SLC6A15: variants seen among roughly 807,000 people sequenced by gnomAD.
SLC6A15 encodes the protein solute carrier family 6 member 15, also known as sodium-dependent neutral amino acid transporter B(0)AT2.
A neutral mutation model predicts 68.5 loss-of-function variants in SLC6A15; 33 were observed. That is an observed-to-expected ratio of 0.48 (90% CI 0.37 to 0.64). SLC6A15 has a LOEUF of 0.64. SLC6A15 is among the 30% of genes least tolerant of loss of function. The pLI, the probability that SLC6A15 is intolerant of heterozygous loss-of-function variation, is 0.00. For missense variants in SLC6A15, 747 were observed against 874.3 expected, an observed-to-expected ratio of 0.85 and a Z score of 1.84; for synonymous variants, 347 against 301.0, an observed-to-expected ratio of 1.15 and a Z score of -1.58.
intron 7 of SLC6A15, 21 bp downstream of exon 7, chr12:84,873,066 A>G: frequency 6.2e-7 from 1 of 1,602,872 alleles, no homozygotes; most frequent in Non-Finnish European, 8.5e-7. Flanking sequence ...AAAAAAGGCA[A>G]ATGGAAATTA....
Position 84,860,991 on chromosome 12 carries a change from A to C in SLC6A15, c.*641T>G, listed in dbSNP as rs1192119251. The C allele has an allele frequency of 6.6e-6, 1 of 152,180 alleles. No homozygotes were observed. 9.4% of individuals were successfully genotyped at this position (152,180 alleles called of 1,614,324 possible). On this transcript the variant is annotated 3_prime_UTR_variant, in exon 12 of 12. Transcript: ENST00000266682. ...CACATATATTTTACACAAAATATAC[A>C]GCCATCACTCACATGATTCTCAGTC...
At chr12:84,865,408 C>T (rs1436074323) in intron 10 of SLC6A15, among the ~76,000 whole-genome samples, 1 of 152,174 alleles carries the variant, frequency 6.6e-6, no homozygotes, top group Non-Finnish European at 1.5e-5. Flanking sequence ...TATCAGCAAC[C>T]CCCACGAGAG....
At chr12:84,877,180 A>G (rs1871586157) in intron 5 of SLC6A15, among the ~76,000 whole-genome samples, 1 of 152,186 alleles carries the variant, frequency 6.6e-6, no homozygotes, top group African/African-American at 2.4e-5. Context: ...TCAGACATTC[A>G]CTGCCTCCTT....
chr12:84,898,014 C>T lies in SLC6A15; in HGVS notation c.-188-5706G>A, dbSNP rs189060011. 1.1e-3 allele frequency among the ~76,000 whole-genome samples: 175 copies of T among 152,242 alleles called. 1 individual carries two copies. The highest frequency in any genetic ancestry group is 3.8e-3 in the African/African-American group (158 of 41,548). ...AAAGAAATAAAAGTGTGAAAATATG[C>T]TCATCTTTCATGTAGGAAGTAATAG... On this transcript the variant is annotated intron_variant, in intron 1 of 11. Transcript: ENST00000266682.
chr12:84,878,185 G>A (rs1871646880), intron 5 of SLC6A15, among the ~76,000 whole-genome samples: 1 of 152,140 alleles, frequency 6.6e-6, no homozygotes, highest in South Asian at 2.1e-4. Flanking sequence ...GCATACTTTA[G>A]AACACAATAT....
chr12:84,897,942 G>C (rs1452601010), intron 1 of SLC6A15, among the ~76,000 whole-genome samples: 2 of 152,144 alleles, frequency 1.3e-5, no homozygotes, highest in Non-Finnish European at 2.9e-5. Flanking sequence ...GGGGACAATT[G>C]TGAATTAAAT....
intron 9 of SLC6A15, 155 bp from the exon 10 acceptor site, chr12:84,867,348 A>G: frequency 2.2e-6 from 1 of 459,924 alleles, no homozygotes; most frequent in Non-Finnish European, 3.6e-6. Flanking sequence ...CATATAACCT[A>G]TTAGGAATTA....
At chr12:84,903,165 G>T (rs1872966067) in intron 1 of SLC6A15, among the ~76,000 whole-genome samples, 1 of 152,100 alleles carries the variant, frequency 6.6e-6, no homozygotes, top group South Asian at 2.1e-4. Flanking sequence ...ATAAATTGGA[G>T]TATATTTTTG....
At chr12:84,878,302 A>G (rs1871652212) in intron 5 of SLC6A15, among the ~76,000 whole-genome samples, 1 of 152,098 alleles carries the variant, frequency 6.6e-6, no homozygotes, top group South Asian at 2.1e-4. Flanking sequence ...AAATTTTTTG[A>G]TTTTTTAAAA....
At position 84,892,141 on chromosome 12, in the gene SLC6A15, T is replaced by TAAA. The variant is rs5799712; in HGVS notation, c.-24_-22dup. 6,229 of 1,336,126 alleles carry TAAA rather than the reference T, an allele frequency of 4.7e-3. 29 individuals carry two copies. The highest frequency in any genetic ancestry group is 0.03 in the African/African-American group (1,961 of 64,630). 82.8% of individuals were successfully genotyped at this position (1,336,126 alleles called of 1,614,324 possible). A position where few individuals can be genotyped will look rare whatever the true frequency, so the allele number is the denominator to read the frequency against. On this transcript the variant is annotated 5_prime_UTR_variant, in exon 2 of 12. Coordinates refer to ENST00000266682, the MANE Select transcript of SLC6A15 (RefSeq NM_182767.6). Reference sequence around the variant, plus strand: ...GGCATTGGAGAGTATGCGAAGTATTTAAAAAAAAAAAAAAAAACTCCCTTA... The same window carrying TAAA: ...GGCATTGGAGAGTATGCGAAGTATTTAAAAAAAAAAAAAAAAAAAACTCCCTTA...
chr12:84,869,715 C>T (rs950261200), intron 9 of SLC6A15, among the ~76,000 whole-genome samples: 1 of 152,042 alleles, frequency 6.6e-6, no homozygotes, highest in Non-Finnish European at 1.5e-5. Context: ...CTGACAGTTC[C>T]ATCGTATATT....
intron 1 of SLC6A15, among the ~76,000 whole-genome samples, chr12:84,908,517 G>T (rs1243082098): frequency 6.6e-6 from 1 of 150,434 alleles, no homozygotes; most frequent in African/African-American, 2.4e-5. Flanking sequence ...ATTTGCCTCT[G>T]TCTTTACTTT....
rs550091240 is a variant in SLC6A15, at chr12:84,895,669, C to T, written c.-188-3361G>A. Among the ~76,000 whole-genome samples, 50 of 152,006 alleles carry T rather than the reference C, an allele frequency of 3.3e-4. No homozygotes were observed. In the South Asian group the frequency reaches 0.01, roughly 32 times the overall value. On this transcript the variant is annotated intron_variant, in intron 1 of 11. Transcript: ENST00000266682. ...GTTTGTTTGTATTTTTACTTTAAGACCATGCACCCACTGAACATAAGAATT... is the reference window on the plus strand; with the variant it reads ...GTTTGTTTGTATTTTTACTTTAAGATCATGCACCCACTGAACATAAGAATT...
chr12:84,906,823 A>G (rs1873180211), intron 1 of SLC6A15, among the ~76,000 whole-genome samples: 1 of 152,198 alleles, frequency 6.6e-6, no homozygotes. Flanking sequence ...ATAAAACTTT[A>G]AGAAACAAGT....
At chr12:84,904,330 C>G (rs1873036749) in intron 1 of SLC6A15, among the ~76,000 whole-genome samples, 1 of 151,776 alleles carries the variant, frequency 6.6e-6, no homozygotes, top group African/African-American at 2.4e-5. Context: ...CCTAGCTGAA[C>G]AGCCAGGTAA....
chr12:84,894,017 G>A (rs899046135), intron 1 of SLC6A15, among the ~76,000 whole-genome samples: 3 of 152,206 alleles, frequency 2.0e-5, no homozygotes, highest in East Asian at 1.9e-4. Flanking sequence ...CAAAAAGGCC[G>A]AGAAGCGATC....
At chr12:84,911,397 T>A (rs913164351) in intron 1 of SLC6A15, among the ~76,000 whole-genome samples, 1 of 152,164 alleles carries the variant, frequency 6.6e-6, no homozygotes, top group African/African-American at 2.4e-5. Context: ...CAGACTTATT[T>A]GCATAAGCAC....
chr12:84,863,257 A>G (rs1385509790), intron 11 of SLC6A15, among the ~76,000 whole-genome samples, 182 bp downstream of exon 11: 1 of 149,980 alleles, frequency 6.7e-6, no homozygotes, highest in Non-Finnish European at 1.5e-5. Flanking sequence ...AAACATCCAC[A>G]ATGTATTTAA....
chr12:84,869,197 C>T (rs1432457758), intron 9 of SLC6A15, among the ~76,000 whole-genome samples: 2 of 151,964 alleles, frequency 1.3e-5, no homozygotes, highest in African/African-American at 2.4e-5. Context: ...CGGTGGCTCA[C>T]GCCTGTAATC....
Sources: gnomAD v4.1 joint callset for allele counts (sites outside exome capture counted in the v4.1 genomes callset) on GRCh38, gnomAD v4.1.1 for gene constraint, MANE v1.5 for transcripts, NCBI Gene and HGNC (gene_info 2026-07-23, HGNC 2026-07-21) for gene names.